Variants in USP46 observed in about 807,000 individuals in gnomAD.
The protein encoded by USP46 is ubiquitin carboxyl-terminal hydrolase 46.
Under a neutral mutation model 44.4 loss-of-function variants are expected in USP46, and 12 were observed. The observed-to-expected ratio is 0.27, with a 90% CI of 0.17 to 0.44. USP46 has a LOEUF of 0.44. USP46 is among the 20% of genes least tolerant of loss of function. USP46 has a pLI of 1.00. For synonymous variants in USP46, 155 were observed against 161.5 expected (o/e 0.96, Z 0.31); for missense variants, 248 against 444.8 (o/e 0.56, Z 3.98).
chr4:52,598,072 T>C (rs1416267619), intron 8 of USP46, among the ~76,000 whole-genome samples: 5 of 152,232 alleles, frequency 3.3e-5, no homozygotes, highest in Non-Finnish European at 7.3e-5. Flanking sequence ...CCAGAGTTCA[T>C]CTCTTTTGGT....
At position 52,632,899 on chromosome 4, in the gene USP46, GGAAAGAGAAAGAAA is replaced by G. The variant is rs1168680750; in HGVS notation, c.37-1769_37-1756del. ...AAAGAAAAGGAAGGAAGGAAGGAAG[GGAAAGAGAAAGAAA>G]GAAAGAGAAAGAAAGAAAGAAAGAA... On this transcript the variant is annotated intron_variant, in intron 1 of 8. Coordinates refer to ENST00000441222, the MANE Select transcript of USP46 (RefSeq NM_022832.4). 7.1e-4 allele frequency among the ~76,000 whole-genome samples: 44 copies of G among 62,038 alleles called. 1 individual carries two copies. The highest frequency in any genetic ancestry group is 1.1e-3 in the African/African-American group (24 of 20,992). The allele number at this position is 62,038 out of a possible 152,430, so 40.7% of individuals were successfully genotyped here.
intron 6 of USP46, among the ~76,000 whole-genome samples, 161 bp from the exon 7 acceptor site, chr4:52,602,215 G>C (rs1716498357): frequency 6.6e-6 from 1 of 152,190 alleles, no homozygotes; most frequent in Admixed American, 6.5e-5. Context: ...GGCATATATA[G>C]AGCTGACTTA....
Position 52,601,991 on chromosome 4 carries a change from C to T in USP46, c.786G>A (p.Glu262=). Residue 262 remains glutamate (E), a synonymous_variant, in exon 7 of 9, where the codon GAG becomes GAA. Coordinates refer to ENST00000441222, the MANE Select transcript of USP46 (RefSeq NM_022832.4). ...ALHLKRFKYM[E]QLHRYTKLSY... ...ACAGCTTGGTGTATCTGTGCAGCTG[C>T]TCCATGTACTTGAACCGCTTTAGGT... 5 of 1,614,002 alleles carry T rather than the reference C, an allele frequency of 3.1e-6. No individual in the cohort carries two copies. The highest frequency in any genetic ancestry group is 1.7e-4 in the Middle Eastern group (1 of 6,060).
intron 1 of USP46, among the ~76,000 whole-genome samples, chr4:52,631,978 C>T (rs1717842332): frequency 6.6e-6 from 1 of 151,098 alleles, no homozygotes; most frequent in Non-Finnish European, 1.5e-5. Context: ...TGCACTCCAG[C>T]CTGGGTACAG....
intron 1 of USP46, among the ~76,000 whole-genome samples, chr4:52,635,080 C>CT (rs74931782): frequency 0.094 from 12,783 of 135,342 alleles, 659 homozygotes; most frequent in Non-Finnish European, 0.11. Context: ...TCTACTTCTT[C>CT]TTTTTTTTTT....
At chr4:52,645,515 G>A (rs1049541334) in intron 1 of USP46, among the ~76,000 whole-genome samples, 1 of 152,148 alleles carries the variant, frequency 6.6e-6, no homozygotes, top group African/African-American at 2.4e-5. Flanking sequence ...AGCTGCAGGT[G>A]GAAGACAAGG....
At chr4:52,622,084 C>T (rs376328835) in intron 4 of USP46, among the ~76,000 whole-genome samples, 13 of 152,262 alleles carry the variant, frequency 8.5e-5, no homozygotes, top group South Asian at 8.3e-4. Flanking sequence ...AATACACATG[C>T]GTATGTATGT....
At chr4:52,618,700 G>T (rs1048036117) in intron 4 of USP46, among the ~76,000 whole-genome samples, 1 of 152,162 alleles carries the variant, frequency 6.6e-6, no homozygotes. Flanking sequence ...GGCTTTAAAA[G>T]GTACCCAATG....
At chr4:52,652,457 A>G (rs868535453) in intron 1 of USP46, among the ~76,000 whole-genome samples, 1 of 152,182 alleles carries the variant, frequency 6.6e-6, no homozygotes, top group Non-Finnish European at 1.5e-5. Flanking sequence ...ACAACTGTTC[A>G]TTGCATTAAA....
At chr4:52,633,013 A>AG (rs1717975047) in intron 1 of USP46, among the ~76,000 whole-genome samples, 1 of 147,968 alleles carries the variant, frequency 6.8e-6, no homozygotes, top group African/African-American at 2.6e-5. Context: ...AAAGAAAGAA[A>AG]GAAAGAAAGA....
chr4:52,607,874 C>T (rs1269560522), intron 5 of USP46, among the ~76,000 whole-genome samples: 1 of 152,194 alleles, frequency 6.6e-6, no homozygotes, highest in Non-Finnish European at 1.5e-5. Context: ...CAGCACCAAG[C>T]TTTCTGTACA....
intron 4 of USP46, among the ~76,000 whole-genome samples, chr4:52,615,031 A>G (rs578009626): frequency 2.7e-4 from 41 of 152,314 alleles, no homozygotes; most frequent in African/African-American, 8.9e-4. Context: ...AAATGTACTC[A>G]GAAAAGATCA....
At chr4:52,616,383 C>A (rs1307586995) in intron 4 of USP46, among the ~76,000 whole-genome samples, 1 of 151,978 alleles carries the variant, frequency 6.6e-6, no homozygotes, top group African/African-American at 2.4e-5. Flanking sequence ...TCCCTTCTTT[C>A]CTTCTTTGAG....
intron 1 of USP46, among the ~76,000 whole-genome samples, chr4:52,632,423 T>C (rs901134530): frequency 6.6e-6 from 1 of 152,186 alleles, no homozygotes; most frequent in Non-Finnish European, 1.5e-5. Context: ...ATGGACTCTA[T>C]CATCATTCTA....
intron 1 of USP46, among the ~76,000 whole-genome samples, chr4:52,634,844 T>TGTGGTTGAATTCA (rs1718051454): frequency 6.6e-6 from 1 of 152,232 alleles, no homozygotes; most frequent in South Asian, 2.1e-4. Flanking sequence ...CTTGGTATCA[T>TGTGGTTGAATTCA]CCCAGGTGAT....
chr4:52,659,291 G>A lies in USP46; in HGVS notation c.-141C>T, dbSNP rs1186479263. Reference sequence around the variant, plus strand: ...CTTTCAGTTTGGCTGGGAGAGGGAGGCCGGGAGGAGGAGGCGGCGGCGCGG... The same window carrying A: ...CTTTCAGTTTGGCTGGGAGAGGGAGACCGGGAGGAGGAGGCGGCGGCGCGG... On this transcript the variant is annotated 5_prime_UTR_variant, in exon 1 of 9. Transcript: ENST00000441222. This position sits in a 1 kb window ranked among gnomAD's most constrained non-coding sequence, Gnocchi z 4.2. The A allele has an allele frequency of 1.4e-5, 11 of 792,468 alleles. No individual in the cohort carries two copies. Among genetic ancestry groups the A allele is most frequent in the East Asian group, 3.6e-5 (1 of 27,828 alleles). The allele number at this position is 792,468 out of a possible 1,614,324, so 49.1% of individuals were successfully genotyped here.
At chr4:52,656,416 T>C (rs1482770504) in intron 1 of USP46, 2 of 409,042 alleles carry the variant, frequency 4.9e-6, no homozygotes, top group East Asian at 2.6e-4. Context: ...GAAGGAAGAC[T>C]GGGAGGGACA....
chr4:52,627,140 T>C (rs1365231905), intron 3 of USP46, among the ~76,000 whole-genome samples: 1 of 152,264 alleles, frequency 6.6e-6, no homozygotes, highest in African/African-American at 2.4e-5. Flanking sequence ...TGAACCTTCA[T>C]TATTAATCAC....
intron 8 of USP46, 128 bp from the exon 9 acceptor site, chr4:52,597,869 T>C: frequency 1.5e-6 from 1 of 683,498 alleles, no homozygotes; most frequent in Non-Finnish European, 2.4e-6. Flanking sequence ...CATTAGGAAC[T>C]TTCAATAGCA....
Sources: gnomAD v4.1 joint callset for allele counts (sites outside exome capture counted in the v4.1 genomes callset) on GRCh38, gnomAD v4.1.1 for gene constraint, Gnocchi (gnomAD v3.1) non-coding constraint, MANE v1.5 for transcripts, NCBI Gene and HGNC (gene_info 2026-07-23, HGNC 2026-07-21) for gene names.